DGKG: variants seen among roughly 807,000 people sequenced by gnomAD.
DGKG encodes diacylglycerol kinase gamma.
In DGKG, 78 loss-of-function variants were observed where a neutral mutation model predicts 105.3. That is an observed-to-expected ratio of 0.74 (90% CI 0.62 to 0.89). DGKG has a LOEUF of 0.89. DGKG is among the 40% of genes least tolerant of loss of function. The probability of loss-of-function intolerance (pLI) is 0.00; values close to 1 mark genes in which losing one functional copy is unlikely to be tolerated. For synonymous variants in DGKG, 346 were observed against 367.1 expected (o/e 0.94, Z 0.66); for missense variants, 958 against 1,020.1 (o/e 0.94, Z 0.83).
intron 1 of DGKG, among the ~76,000 whole-genome samples, chr3:186,356,160 T>C (rs1190043893): frequency 1.3e-5 from 2 of 152,252 alleles, no homozygotes; most frequent in Non-Finnish European, 2.9e-5. Context: ...GTTTAATTAT[T>C]GAATTAATAT....
chr3:186,257,697 TCCACCCAAAGC>T, intron 17 of DGKG, 146 bp downstream of exon 17: 1 of 553,176 alleles, frequency 1.8e-6, no homozygotes, highest in Middle Eastern at 3.1e-4. Context: ...TTTTTTTTTT[TCCACCCAAAGC>T]AAATATTTAG....
chr3:186,307,777 AG>A (rs1724321239), intron 2 of DGKG, among the ~76,000 whole-genome samples: 1 of 152,132 alleles, frequency 6.6e-6, no homozygotes, highest in Non-Finnish European at 1.5e-5. Context: ...ATGTAGGATG[AG>A]TGGGCATTAA....
chr3:186,256,959 C>T (rs1401099946), intron 17 of DGKG, among the ~76,000 whole-genome samples: 2 of 152,202 alleles, frequency 1.3e-5, no homozygotes, highest in Non-Finnish European at 2.9e-5. Flanking sequence ...TTGTTCATTG[C>T]CTGTCTCTTT....
At chr3:186,256,249 G>A (rs1013796461) in intron 17 of DGKG, among the ~76,000 whole-genome samples, 1 of 152,102 alleles carries the variant, frequency 6.6e-6, no homozygotes, top group African/African-American at 2.4e-5. Context: ...AGTGGCGGGC[G>A]GCAGGTGTAC....
At chr3:186,328,718 G>A (rs934985759) in intron 1 of DGKG, among the ~76,000 whole-genome samples, 1 of 151,930 alleles carries the variant, frequency 6.6e-6, no homozygotes, top group Admixed American at 6.6e-5. Context: ...TGGGACTACA[G>A]GCACCTGCCA....
intron 22 of DGKG, among the ~76,000 whole-genome samples, chr3:186,181,063 CTA>C (rs1381873067): frequency 6.6e-6 from 1 of 152,226 alleles, no homozygotes; most frequent in African/African-American, 2.4e-5. Flanking sequence ...ACGGGCATGC[CTA>C]TGAGCTACAC....
At chr3:186,189,136 C>T (rs763231091) in intron 21 of DGKG, among the ~76,000 whole-genome samples, 5 of 152,156 alleles carry the variant, frequency 3.3e-5, no homozygotes, top group Non-Finnish European at 7.3e-5. Context: ...TTTGCCCCCT[C>T]CTATTTTATC....
intron 2 of DGKG, among the ~76,000 whole-genome samples, chr3:186,319,236 C>G (rs983040576): frequency 4.6e-5 from 7 of 152,276 alleles, no homozygotes; most frequent in Middle Eastern, 6.8e-3. Context: ...CTGTTGACCT[C>G]GGAGAGCATT....
At chr3:186,290,813 G>A (rs150768617) in intron 5 of DGKG, among the ~76,000 whole-genome samples, 30 of 152,292 alleles carry the variant, frequency 2.0e-4, no homozygotes, top group South Asian at 4.1e-4. Context: ...ACAGCAGAGA[G>A]TTCCCTTCAA....
chr3:186,148,906 ACTAC>A lies in DGKG; in HGVS notation c.*1180_*1183del. On this transcript the variant is annotated 3_prime_UTR_variant, in exon 25 of 25. Transcript: ENST00000265022. Reference sequence around the variant, plus strand: ...TTTTCCTTACCACTTTCTGTCTCATACTACCTATGTTTTTTTTTTCCAATGAGGA... The same window carrying A: ...TTTTCCTTACCACTTTCTGTCTCATACTATGTTTTTTTTTTCCAATGAGGA... 1 of 980,518 alleles carries A rather than the reference ACTAC, an allele frequency of 1.0e-6. No individual in the cohort carries two copies. Among genetic ancestry groups the A allele is most frequent in the Non-Finnish European group, 1.2e-6 (1 of 828,524 alleles). The allele number at this position is 980,518 out of a possible 1,614,324, so 60.7% of individuals were successfully genotyped here.
At chr3:186,221,582 G>C (rs1719583250) in intron 20 of DGKG, among the ~76,000 whole-genome samples, 1 of 152,204 alleles carries the variant, frequency 6.6e-6, no homozygotes, top group South Asian at 2.1e-4. Context: ...CACTCCTGAG[G>C]TTCTGTAGTG....
chr3:186,273,758 C>A (rs1722444591), intron 10 of DGKG, among the ~76,000 whole-genome samples: 1 of 152,124 alleles, frequency 6.6e-6, no homozygotes, highest in African/African-American at 2.4e-5. Context: ...TGGCTGAGGT[C>A]ACTTGCTGCC....
intron 20 of DGKG, among the ~76,000 whole-genome samples, chr3:186,234,554 T>C (rs937463117): frequency 2.6e-5 from 4 of 152,226 alleles, no homozygotes; most frequent in African/African-American, 9.6e-5. Context: ...ATAGCGTGCT[T>C]TCAAGTTCCT....
At chr3:186,222,878 T>C (rs999462766) in intron 20 of DGKG, among the ~76,000 whole-genome samples, 2 of 150,754 alleles carry the variant, frequency 1.3e-5, no homozygotes, top group Admixed American at 1.3e-4. Flanking sequence ...CTTGGGAGGC[T>C]GAGGCAGGAG....
chr3:186,351,179 A>G (rs1726613242), intron 1 of DGKG, among the ~76,000 whole-genome samples: 1 of 151,866 alleles, frequency 6.6e-6, no homozygotes, highest in African/African-American at 2.4e-5. Context: ...TGTTGTGAAC[A>G]CTCTTTATTA....
At chr3:186,333,384 C>G (rs1725689730) in intron 1 of DGKG, among the ~76,000 whole-genome samples, 1 of 152,040 alleles carries the variant, frequency 6.6e-6, no homozygotes, top group African/African-American at 2.4e-5. Context: ...TTAATGGGGA[C>G]CTTAAGCAGA....
intron 5 of DGKG, among the ~76,000 whole-genome samples, chr3:186,297,089 C>CACACACACACACAT (rs1723618518): frequency 7.0e-6 from 1 of 142,000 alleles, no homozygotes; most frequent in African/African-American, 2.6e-5. Context: ...CACACACACA[C>CACACACACACACAT]ACACACACAC....
Position 186,260,498 on chromosome 3 carries a change from G to A in DGKG, c.1365C>T (p.Phe455=). 1 of 1,612,186 alleles carries A rather than the reference G, an allele frequency of 6.2e-7. No individual in the cohort carries two copies. Among genetic ancestry groups the A allele is most frequent in the Non-Finnish European group, 8.5e-7 (1 of 1,178,392 alleles). ...GRQGERILRK[F]HYLLNPKQVF... ...CTTGTTTGGGGTTGAGCAGATAGTG[G>A]AATTTCCGAAGAATTCTATGGAAAA... The change falls in exon 16 of 25, where the codon TTC becomes TTT. Residue 455 remains phenylalanine (F), a synonymous_variant. Coordinates refer to ENST00000265022, the MANE Select transcript of DGKG (RefSeq NM_001346.3).
chr3:186,241,224 A>T (rs1219012311), intron 20 of DGKG, among the ~76,000 whole-genome samples: 1 of 152,102 alleles, frequency 6.6e-6, no homozygotes, highest in African/African-American at 2.4e-5. Flanking sequence ...GATGAAAATG[A>T]TGGGTCCTGG....
Sources: gnomAD v4.1 joint callset for allele counts (sites outside exome capture counted in the v4.1 genomes callset) on GRCh38, gnomAD v4.1.1 for gene constraint, MANE v1.5 for transcripts, NCBI Gene and HGNC (gene_info 2026-07-23, HGNC 2026-07-21) for gene names.